Variants in RGR observed in about 807,000 individuals in gnomAD.
The protein encoded by RGR is RPE-retinal G protein-coupled receptor.
Under a neutral mutation model 28.6 loss-of-function variants are expected in RGR, and 30 were observed. That is an observed-to-expected ratio of 1.05 (90% CI 0.78 to 1.42). The LOEUF is 1.42. RGR is among the 40% of genes most tolerant of loss of function. The pLI is 0.00. For synonymous variants in RGR, 180 were observed against 156.4 expected (o/e 1.15, Z -1.13); for missense variants, 404 against 375.6 (o/e 1.08, Z -0.62).
In RGR at chr10:84,247,645, C is replaced by T. The variant is rs1373174968; in HGVS notation, c.134C>T (p.Pro45Leu). 17 of 1,614,070 alleles carry T rather than the reference C, an allele frequency of 1.1e-5. No homozygotes were observed. Among genetic ancestry groups the T allele is most frequent in the Admixed American group, 1.7e-5 (1 of 60,006 alleles). ...ACCATCTTCTCTTTCTGCAAGACCC[C>T]GGAGCTGCGGACTCCCTGCCACCTA... ...TLTIFSFCKT[P>L]ELRTPCHLLV... Residue 45 changes from proline to leucine, a missense_variant, in exon 2 of 7, where the codon CCG (proline) becomes CTG (leucine). Transcript: ENST00000652092.
intron 1 of RGR, among the ~76,000 whole-genome samples, chr10:84,246,096 A>G (rs984619859): frequency 2.0e-5 from 3 of 152,196 alleles, no homozygotes; most frequent in Non-Finnish European, 4.4e-5. Context: ...GCATCCTTCC[A>G]GGTCCTCAAA....
At chr10:84,258,436 G>T (rs1450580393) in intron 6 of RGR, 72 bp from the exon 7 acceptor site, 2 of 1,612,162 alleles carry the variant, frequency 1.2e-6, no homozygotes, top group South Asian at 2.2e-5. Flanking sequence ...GGGTGACCGG[G>T]GTCACCAGGT....
At chr10:84,252,312 A>G (rs75831131) in intron 3 of RGR, among the ~76,000 whole-genome samples, 3,478 of 152,266 alleles carry the variant, frequency 0.023, 137 homozygotes, top group African/African-American at 0.08. Context: ...GGATGGTGGT[A>G]AGTCCAGACT....
intron 5 of RGR, among the ~76,000 whole-genome samples, chr10:84,256,625 G>A (rs1204947546): frequency 2.0e-5 from 3 of 152,126 alleles, no homozygotes; most frequent in Non-Finnish European, 4.4e-5. Flanking sequence ...AGGAGAGAAA[G>A]GGCTTTCCTG....
At chr10:84,246,297 G>A (rs1008766595) in intron 1 of RGR, among the ~76,000 whole-genome samples, 5 of 152,106 alleles carry the variant, frequency 3.3e-5, no homozygotes, top group Admixed American at 3.3e-4. Context: ...TTACATCGTG[G>A]CAAATGCTAG....
chr10:84,248,562 T>C (rs1273886065), intron 2 of RGR: 5 of 372,266 alleles, frequency 1.3e-5, no homozygotes, highest in African/African-American at 4.1e-5. Context: ...CCTCTGACTT[T>C]GCCTTCATCT....
At chr10:84,254,900 C>A (rs1842864354) in intron 5 of RGR, among the ~76,000 whole-genome samples, 1 of 152,196 alleles carries the variant, frequency 6.6e-6, no homozygotes, top group Non-Finnish European at 1.5e-5. Context: ...TGCACATGCG[C>A]ATCTCTGAGG....
rs2132891886 is a variant in RGR, at chr10:84,257,898, C to T, written c.636C>T (p.Asn212=). The change falls in exon 6 of 7, where the codon AAC becomes AAT. Residue 212 remains asparagine (N), a synonymous_variant. Coordinates refer to ENST00000652092, the MANE Select transcript of RGR (RefSeq NM_001012720.2). ...CTGTGACAATTTCTCCCCAGGTAAA[C>T]ACCACTCTGCCAGCAAGGACGCTGC... is the stretch of plus-strand genomic sequence containing the variant. ...KLGKSGHLQV[N]TTLPARTLLL... 6.2e-7 allele frequency: 1 copy of T among 1,613,978 alleles called. No homozygotes were observed.
chr10:84,248,421 GC>G, intron 2 of RGR: 1 of 229,192 alleles, frequency 4.4e-6, no homozygotes, highest in Non-Finnish European at 8.7e-6. Flanking sequence ...GGAGGCTGGA[GC>G]CCCCCCGGAT....
chr10:84,248,829 C>T (rs1222561081), intron 2 of RGR, 93 bp from the exon 3 acceptor site: 2 of 1,609,308 alleles, frequency 1.2e-6, no homozygotes, highest in African/African-American at 1.3e-5. Context: ...AGAAGGGCAG[C>T]ATTCAGGAAC....
intron 2 of RGR, 36 bp from the exon 3 acceptor site, chr10:84,248,885 CG>C (rs1842779938): frequency 6.2e-7 from 1 of 1,614,152 alleles, no homozygotes; most frequent in East Asian, 2.2e-5. Context: ...TGGAAAGGAT[CG>C]GAGGAGAGGT....
chr10:84,247,939 G>T, intron 2 of RGR, 192 bp downstream of exon 2: 2 of 852,544 alleles, frequency 2.3e-6, no homozygotes, highest in Non-Finnish European at 1.8e-6. Context: ...GGAAGACAGG[G>T]GTTGCTGAAA....
At position 84,249,879 on chromosome 10, in the gene RGR, AT is replaced by A. The variant is rs532650696; in HGVS notation, c.358+846del. Among the ~76,000 whole-genome samples, 248 of 150,826 alleles carry A rather than the reference AT, an allele frequency of 1.6e-3. 1 individual carries two copies. Among genetic ancestry groups the A allele is most frequent in the East Asian group, 4.5e-3 (23 of 5,152 alleles). On this transcript the variant is annotated intron_variant, in intron 3 of 6. Transcript: ENST00000652092. ...GTACAAACTGCTCCATTTTTCCTTA[AT>A]TTTTTTTTTCTTAAAAGTGACTCAT...
intron 4 of RGR, among the ~76,000 whole-genome samples, chr10:84,253,683 C>T (rs1175477252): frequency 6.6e-6 from 1 of 152,212 alleles, no homozygotes; most frequent in African/African-American, 2.4e-5. Flanking sequence ...GGCATCTGCA[C>T]TGGATGACAG....
intron 1 of RGR, among the ~76,000 whole-genome samples, chr10:84,245,733 C>G (rs1281765280): frequency 6.6e-6 from 1 of 152,216 alleles, no homozygotes; most frequent in Non-Finnish European, 1.5e-5. Context: ...CCCATCCTCT[C>G]CAGCCCCACC....
intron 5 of RGR, among the ~76,000 whole-genome samples, chr10:84,257,158 A>C (rs1490717052): frequency 1.3e-5 from 2 of 152,240 alleles, no homozygotes; most frequent in Non-Finnish European, 2.9e-5. Context: ...TCAGAATTGC[A>C]CGTCCGCGTG....
At chr10:84,249,689 C>T (rs1842791703) in intron 3 of RGR, among the ~76,000 whole-genome samples, 1 of 152,164 alleles carries the variant, frequency 6.6e-6, no homozygotes, top group Non-Finnish European at 1.5e-5. Flanking sequence ...CCCTTGCAGA[C>T]AGGCACTACT....
chr10:84,248,821 A>G, intron 2 of RGR, 101 bp from the exon 3 acceptor site: 1 of 1,594,196 alleles, frequency 6.3e-7, no homozygotes, highest in Non-Finnish European at 8.6e-7. Flanking sequence ...TTCAGAGAAG[A>G]AGGGCAGCAT....
intron 5 of RGR, among the ~76,000 whole-genome samples, chr10:84,255,718 C>CTT (rs71013305): frequency 1.8e-4 from 18 of 102,842 alleles, no homozygotes; most frequent in Middle Eastern, 6.3e-3. Flanking sequence ...GGTTTTCTTT[C>CTT]TTTTTTTTTT....
Sources: gnomAD v4.1 joint callset for allele counts (sites outside exome capture counted in the v4.1 genomes callset) on GRCh38, gnomAD v4.1.1 for gene constraint, MANE v1.5 for transcripts, NCBI Gene and HGNC (gene_info 2026-07-23, HGNC 2026-07-21) for gene names.